The following OR4N2 variants were observed in gnomAD, a reference collection of about 807,000 sequenced individuals.
The protein encoded by OR4N2 is olfactory receptor 4N2.
For missense variants in OR4N2, 307 were observed against 377.6 expected, an observed-to-expected ratio of 0.81 and a Z score of 1.55; for synonymous variants, 141 against 140.4, an observed-to-expected ratio of 1.00 and a Z score of -0.03.
chr14:19,807,150 T>C (rs1171731081), intron 1 of OR4N2, among the ~76,000 whole-genome samples: 1 of 151,658 alleles, frequency 6.6e-6, no homozygotes, highest in South Asian at 2.1e-4. Context: ...AAAATCTGAA[T>C]TTAATAATCC....
At chr14:19,808,296 T>C (rs1334597255) in intron 1 of OR4N2, among the ~76,000 whole-genome samples, 1 of 152,160 alleles carries the variant, frequency 6.6e-6, no homozygotes, top group Non-Finnish European at 1.5e-5. Context: ...GTCAAACTAT[T>C]TCTATTCACT....
At chr14:19,815,667 T>TG (rs1279207482) in intron 1 of OR4N2, among the ~76,000 whole-genome samples, 5 of 151,128 alleles carry the variant, frequency 3.3e-5, no homozygotes, top group East Asian at 1.9e-4. Context: ...TTTTTTTTTT[T>TG]TTGTTTTTTT....
intron 1 of OR4N2, among the ~76,000 whole-genome samples, chr14:19,818,762 G>A (rs1879490115): frequency 6.6e-6 from 1 of 151,620 alleles, no homozygotes; most frequent in Admixed American, 6.6e-5. Flanking sequence ...GGTTAATGCA[G>A]TTTCTTCATA....
intron 1 of OR4N2, among the ~76,000 whole-genome samples, chr14:19,821,511 A>G (rs1484145717): frequency 2.0e-5 from 3 of 152,174 alleles, no homozygotes; most frequent in Admixed American, 1.3e-4. Flanking sequence ...TCGTGGTACA[A>G]AGCAATAATC....
At chr14:19,819,054 G>A (rs1879497057) in intron 1 of OR4N2, among the ~76,000 whole-genome samples, 1 of 152,218 alleles carries the variant, frequency 6.6e-6, no homozygotes, top group South Asian at 2.1e-4. Context: ...GAGATCCACT[G>A]TTAGTCTGAT....
intron 1 of OR4N2, among the ~76,000 whole-genome samples, chr14:19,807,667 ACT>A (rs1372287070): frequency 1.3e-5 from 2 of 151,772 alleles, no homozygotes; most frequent in Admixed American, 1.3e-4. Context: ...AAAAAAAAGA[ACT>A]CTACCAATTT....
intron 1 of OR4N2, among the ~76,000 whole-genome samples, chr14:19,813,601 A>G (rs1417992104): frequency 6.6e-6 from 1 of 152,246 alleles, no homozygotes; most frequent in South Asian, 2.1e-4. Context: ...AAACAATTAC[A>G]TTTATAGACA....
chr14:19,823,214 G>C (rs1879609210), intron 1 of OR4N2, among the ~76,000 whole-genome samples: 1 of 152,138 alleles, frequency 6.6e-6, no homozygotes, highest in Non-Finnish European at 1.5e-5. Flanking sequence ...TCATTAGTGA[G>C]CTATTACTAC....
At chr14:19,820,898 CT>C (rs1471349561) in intron 1 of OR4N2, among the ~76,000 whole-genome samples, 1 of 152,256 alleles carries the variant, frequency 6.6e-6, no homozygotes, top group Admixed American at 6.5e-5. Context: ...AGATAGACCA[CT>C]TGAATCCCTG....
chr14:19,820,567 G>A (rs1401320059), intron 1 of OR4N2, among the ~76,000 whole-genome samples: 1 of 152,228 alleles, frequency 6.6e-6, no homozygotes, highest in Admixed American at 6.5e-5. Context: ...CCAGGGAGAT[G>A]GGACTTTTAT....
rs1401927440 is a variant in OR4N2, at chr14:19,828,181, A to G, written c.733A>G (p.Ile245Val). Residue 245 changes from isoleucine to valine, a missense_variant, in exon 2 of 2, where the codon ATT (isoleucine) becomes GTT (valine). Coordinates refer to ENST00000557677, the MANE Select transcript of OR4N2 (RefSeq NM_001004723.3). ...KAMSTCITHI[I>V]VIFFMFGPGI... ...CATGTCCACGTGCATCACCCATATC[A>G]TTGTTATATTCTTCATGTTTGGACC... 3.9e-5 allele frequency: 63 copies of G among 1,614,058 alleles called. No individual in the cohort carries two copies. Among genetic ancestry groups the G allele is most frequent in the Admixed American group, 3.5e-4 (21 of 60,004 alleles).
rs34484664 is a variant in OR4N2, at chr14:19,825,344, A to T, written c.-9-2096A>T. On this transcript the variant is annotated intron_variant, in intron 1 of 1. Transcript: ENST00000557677. ...CTTAAAATACGTACCCTAAGATGAC[A>T]CTATATAGATGTGCTGTCTGTCTTT... Among the ~76,000 whole-genome samples, 813 of 152,172 alleles carry T rather than the reference A, an allele frequency of 5.3e-3. 6 individuals are homozygous for T. Among genetic ancestry groups the T allele is most frequent in the African/African-American group, 0.017 (724 of 41,450 alleles).
At chr14:19,821,565 T>G (rs1594400272) in intron 1 of OR4N2, among the ~76,000 whole-genome samples, 2 of 152,368 alleles carry the variant, frequency 1.3e-5, no homozygotes, top group South Asian at 4.1e-4. Flanking sequence ...AATTTTATTA[T>G]AACACGTAAA....
At chr14:19,822,598 TTC>T (rs1879594722) in intron 1 of OR4N2, 1 of 152,260 alleles carries the variant, frequency 6.6e-6, no homozygotes, top group African/African-American at 2.4e-5. Flanking sequence ...CCTCCACAAC[TTC>T]TCTCTATTAA....
rs572955206 is a variant in OR4N2 at position 19,820,124 on chromosome 14, C to A, written c.-9-7316C>A. Among the ~76,000 whole-genome samples the A allele has an allele frequency of 2.0e-4, 30 of 152,356 alleles. 1 individual carries two copies. The South Asian group carries it at 6.2e-3, about 32-fold the overall frequency. ...ATCTCCTGTATGAGGTGTCTGTTGA[C>A]CCCTGCTAGGAGGTGTCTCCCAGTC... On this transcript the variant is annotated intron_variant, in intron 1 of 1. Transcript: ENST00000557677.
chr14:19,808,106 T>A (rs1252809396), intron 1 of OR4N2, among the ~76,000 whole-genome samples: 1 of 152,158 alleles, frequency 6.6e-6, no homozygotes, highest in Non-Finnish European at 1.5e-5. Context: ...CAGCCATCTA[T>A]GACAGACCCA....
intron 1 of OR4N2, among the ~76,000 whole-genome samples, chr14:19,818,257 ATCTG>A (rs1420620872): frequency 1.3e-5 from 2 of 151,872 alleles, no homozygotes; most frequent in African/African-American, 4.8e-5. Context: ...ATTTTCATTG[ATCTG>A]TCTAATATTG....
Position 19,829,078 on chromosome 14 carries a change from C to T in OR4N2, c.*706C>T, listed in dbSNP as rs1008039496. ...CAAGATTCTATGCGGATATCAAAGA[C>T]TTGAAAAATATCATTAAGAGGAAAA... On this transcript the variant is annotated 3_prime_UTR_variant, in exon 2 of 2. Transcript: ENST00000557677. 6.6e-6 allele frequency: 1 copy of T among 152,230 alleles called. No individual in the cohort carries two copies. The highest frequency in any genetic ancestry group is 1.5e-5 in the Non-Finnish European group (1 of 68,054). 9.4% of individuals were successfully genotyped at this position (152,230 alleles called of 1,614,324 possible).
At chr14:19,825,658 C>G (rs1365161273) in intron 1 of OR4N2, among the ~76,000 whole-genome samples, 10 of 152,278 alleles carry the variant, frequency 6.6e-5, no homozygotes, top group African/African-American at 1.9e-4. Flanking sequence ...CGGGTTCACA[C>G]CATTCTCCTG....
Sources: allele counts gnomAD v4.1 joint callset (sites outside exome capture counted in the v4.1 genomes callset), GRCh38; gene constraint gnomAD v4.1.1; transcripts MANE v1.5; gene names NCBI Gene and HGNC (gene_info 2026-07-23, HGNC 2026-07-21).